Variants in SYNPR observed in about 807,000 individuals in gnomAD.
SYNPR encodes synaptoporin.
In SYNPR, 23 loss-of-function variants were observed where a neutral mutation model predicts 32.9. The observed-to-expected ratio is 0.70, with a 90% CI of 0.50 to 0.99. The LOEUF (loss-of-function observed/expected upper bound fraction) is 0.99, where lower values mean the gene tolerates loss of function less well. Among genes scored for constraint, SYNPR ranks in the 50% least tolerant of loss-of-function variants. SYNPR has a pLI of 0.00. For synonymous variants in SYNPR, 146 were observed against 135.9 expected (o/e 1.07, Z -0.52); for missense variants, 318 against 349.3 (o/e 0.91, Z 0.71).
intron 2 of SYNPR, among the ~76,000 whole-genome samples, chr3:63,414,910 C>T (rs761890914): frequency 8.5e-5 from 13 of 152,110 alleles, no homozygotes; most frequent in African/African-American, 1.2e-4. Context: ...TGTATACTTT[C>T]GTTTTATCTC....
At chr3:63,321,720 T>G (rs1314965201) in intron 2 of SYNPR, among the ~76,000 whole-genome samples, 3 of 152,078 alleles carry the variant, frequency 2.0e-5, no homozygotes, top group African/African-American at 7.2e-5. Flanking sequence ...AAGTCTGAAA[T>G]TATAACCTCA....
intron 2 of SYNPR, among the ~76,000 whole-genome samples, chr3:63,456,183 G>A (rs1298354940): frequency 6.6e-6 from 1 of 151,966 alleles, no homozygotes; most frequent in East Asian, 1.9e-4. Flanking sequence ...CTTCCCACTG[G>A]GTCCTTCCCA....
At chr3:63,310,963 C>T (rs998805150) in intron 2 of SYNPR, among the ~76,000 whole-genome samples, 1 of 151,488 alleles carries the variant, frequency 6.6e-6, no homozygotes, top group Non-Finnish European at 1.5e-5. Flanking sequence ...CTCAGTGTGT[C>T]CTGTTAACTT....
At chr3:63,465,209 TATA>T (rs2106663159) in intron 2 of SYNPR, among the ~76,000 whole-genome samples, 2 of 152,214 alleles carry the variant, frequency 1.3e-5, no homozygotes, top group African/African-American at 4.8e-5. Context: ...TTCATTAAAA[TATA>T]ATGAGAAAAA....
At chr3:63,612,853 T>C (rs192309356) in intron 5 of SYNPR, among the ~76,000 whole-genome samples, 1 of 151,580 alleles carries the variant, frequency 6.6e-6, no homozygotes, top group Non-Finnish European at 1.5e-5. Context: ...ACTGAAAAGA[T>C]CCCTTGATAA....
At chr3:63,260,336 G>A (rs1417341563) in intron 2 of SYNPR, among the ~76,000 whole-genome samples, 1 of 152,178 alleles carries the variant, frequency 6.6e-6, no homozygotes, top group East Asian at 1.9e-4. Flanking sequence ...CAAGGCCACA[G>A]TAACCAAAAC....
chr3:63,350,538 G>A (rs2087493437), intron 2 of SYNPR, among the ~76,000 whole-genome samples: 1 of 152,196 alleles, frequency 6.6e-6, no homozygotes, highest in Admixed American at 6.5e-5. Flanking sequence ...GTGTGTGCGT[G>A]CATATGCACA....
intron 2 of SYNPR, among the ~76,000 whole-genome samples, chr3:63,443,962 G>A (rs1203298152): frequency 2.0e-5 from 3 of 152,180 alleles, no homozygotes; most frequent in Non-Finnish European, 4.4e-5. Flanking sequence ...ATAGCAGTAT[G>A]TAGAAAGAAT....
chr3:63,357,711 A>C (rs1055434869), intron 2 of SYNPR, among the ~76,000 whole-genome samples: 8 of 152,170 alleles, frequency 5.3e-5, no homozygotes, highest in African/African-American at 1.7e-4. Flanking sequence ...TGTGGGCTTT[A>C]TAAAATGCAT....
intron 2 of SYNPR, among the ~76,000 whole-genome samples, chr3:63,262,116 A>T (rs1575579458): frequency 6.6e-6 from 1 of 151,792 alleles, no homozygotes; most frequent in East Asian, 1.9e-4. Context: ...ACAAAAAAAA[A>T]ACCATTTTAC....
chr3:63,427,990 T>C (rs1050974264), intron 2 of SYNPR, among the ~76,000 whole-genome samples: 11 of 152,348 alleles, frequency 7.2e-5, no homozygotes, highest in Non-Finnish European at 1.2e-4. Flanking sequence ...CTCTAAGCAC[T>C]AGTTTTTTTT....
chr3:63,272,546 T>C (rs1165790678), intron 3 of SYNPR, among the ~76,000 whole-genome samples: 1 of 151,462 alleles, frequency 6.6e-6, no homozygotes, highest in Non-Finnish European at 1.5e-5. Flanking sequence ...ATAGAAATTG[T>C]CCCTTGTGGT....
intron 2 of SYNPR, among the ~76,000 whole-genome samples, chr3:63,408,380 G>GAAAGA (rs1560221346): frequency 1.7e-4 from 25 of 148,472 alleles, no homozygotes; most frequent in African/African-American, 5.8e-4. Context: ...AAGAAAGAAA[G>GAAAGA]AAAAGGAAGG....
intron 2 of SYNPR, among the ~76,000 whole-genome samples, chr3:63,351,082 T>A (rs1312200598): frequency 6.6e-6 from 1 of 152,178 alleles, no homozygotes; most frequent in East Asian, 1.9e-4. Flanking sequence ...TAGACTGTCC[T>A]AAAGTGAACA....
At chr3:63,481,010 C>A in intron 3 of SYNPR, 54 bp downstream of exon 3, 1 of 1,572,182 alleles carries the variant, frequency 6.4e-7, no homozygotes, top group Non-Finnish European at 8.6e-7. Context: ...TTTCTTTCTT[C>A]TGTGCTTTGT....
At chr3:63,433,264 A>G (rs556158364) in intron 2 of SYNPR, among the ~76,000 whole-genome samples, 3 of 152,310 alleles carry the variant, frequency 2.0e-5, no homozygotes, top group African/African-American at 7.2e-5. Context: ...TAGAGTTGAG[A>G]TAAGTGACAT....
At chr3:63,348,505 C>G (rs1282556100) in intron 2 of SYNPR, among the ~76,000 whole-genome samples, 1 of 152,076 alleles carries the variant, frequency 6.6e-6, no homozygotes, top group Admixed American at 6.5e-5. Context: ...TTGCTTATTT[C>G]TTTTGCTGTG....
chr3:63,459,268 A>C (rs776533123), intron 2 of SYNPR, among the ~76,000 whole-genome samples: 6 of 151,948 alleles, frequency 3.9e-5, no homozygotes, highest in Non-Finnish European at 8.8e-5. Context: ...CACTGGCCTC[A>C]ATCACTCTAT....
intron 2 of SYNPR, among the ~76,000 whole-genome samples, chr3:63,298,017 T>C (rs2086809063): frequency 6.6e-6 from 1 of 152,140 alleles, no homozygotes; most frequent in African/African-American, 2.4e-5. Flanking sequence ...CAAGGAATTA[T>C]AGGAAAGCGG....
Sources: allele counts gnomAD v4.1 joint callset (sites outside exome capture counted in the v4.1 genomes callset), GRCh38; gene constraint gnomAD v4.1.1; transcripts MANE v1.5; gene names NCBI Gene and HGNC (gene_info 2026-07-23, HGNC 2026-07-21).